DSCAML1: variants seen among roughly 807,000 people sequenced by gnomAD.
DSCAML1 encodes the protein cell adhesion molecule DSCAML1.
A neutral mutation model predicts 200.5 loss-of-function variants in DSCAML1; 38 were observed. The ratio of observed to expected loss-of-function variants is 0.19; its 90% CI spans 0.15 to 0.25. DSCAML1 has a LOEUF of 0.25. Among genes scored for constraint, DSCAML1 ranks in the 10% least tolerant of loss-of-function variants. DSCAML1 has a pLI of 1.00. For missense variants in DSCAML1, 2,223 were observed against 2,858.8 expected, an observed-to-expected ratio of 0.78 and a Z score of 5.07; for synonymous variants, 1,215 against 1,165.0, an observed-to-expected ratio of 1.04 and a Z score of -0.87.
At position 117,492,995 on chromosome 11, in the gene DSCAML1, G is replaced by A. The variant is rs930566808; in HGVS notation, c.2360-10833C>T. Reference sequence around the variant, plus strand: ...AGCTTCAGCGCCAAGAGCCAGTGGGGAGGTGCCAGGGGAGCTGGGGCCCAT... The same window carrying A: ...AGCTTCAGCGCCAAGAGCCAGTGGGAAGGTGCCAGGGGAGCTGGGGCCCAT... On this transcript the variant is annotated intron_variant, in intron 11 of 32. Transcript: ENST00000651296. Among the ~76,000 whole-genome samples, 9 of 152,342 alleles carry A rather than the reference G, an allele frequency of 5.9e-5. No individual in the cohort carries two copies. The East Asian group carries it at 1.7e-3, about 29-fold the overall frequency.
Position 117,469,881 on chromosome 11 carries a change from T to G in DSCAML1, c.3024+29A>C. The stretch of plus-strand genomic sequence containing the variant: ...GAGGAGAGAGGAGGCAAGCAGACAT[T>G]CCAGGGGAGATGCCTTAGACACACT... On this transcript the variant is annotated intron_variant, in intron 16 of 32. Transcript: ENST00000651296. This position sits in a 1 kb window ranked among gnomAD's most constrained non-coding sequence, Gnocchi z 4.1. 6.3e-7 allele frequency: 1 copy of G among 1,584,464 alleles called. No homozygotes were observed. The highest frequency in any genetic ancestry group is 8.6e-7 in the Non-Finnish European group (1 of 1,161,808).
intron 3 of DSCAML1, among the ~76,000 whole-genome samples, chr11:117,556,164 G>T (rs2050555655): frequency 6.6e-6 from 1 of 152,184 alleles, no homozygotes; most frequent in Admixed American, 6.5e-5. Flanking sequence ...GAAGCATTAT[G>T]AAGTGATCAG....
At chr11:117,616,735 A>T (rs149347332) in intron 3 of DSCAML1, among the ~76,000 whole-genome samples, 1 of 152,226 alleles carries the variant, frequency 6.6e-6, no homozygotes. Context: ...ACAATTATGC[A>T]GATGTGTTTA....
chr11:117,492,729 G>A (rs1004943416), intron 11 of DSCAML1, among the ~76,000 whole-genome samples: 1 of 152,122 alleles, frequency 6.6e-6, no homozygotes, highest in Non-Finnish European at 1.5e-5. Flanking sequence ...TCGGCGGGGC[G>A]GGTGGGAGCA....
chr11:117,685,015 T>G (rs2053381310), intron 3 of DSCAML1, among the ~76,000 whole-genome samples: 1 of 152,234 alleles, frequency 6.6e-6, no homozygotes, highest in Non-Finnish European at 1.5e-5. Flanking sequence ...TTGAGGCCCC[T>G]GTCCCAGGAG....
intron 1 of DSCAML1, among the ~76,000 whole-genome samples, chr11:117,814,972 G>T (rs1350024237): frequency 6.6e-6 from 1 of 152,204 alleles, no homozygotes; most frequent in Admixed American, 6.5e-5. Flanking sequence ...GCACGCACTC[G>T]GTTACTGATT....
chr11:117,508,658 T>C (rs1047504934), intron 8 of DSCAML1, among the ~76,000 whole-genome samples: 1 of 151,908 alleles, frequency 6.6e-6, no homozygotes, highest in East Asian at 1.9e-4. Flanking sequence ...CTGCTGTGAT[T>C]TGAGAGCCCT....
intron 19 of DSCAML1, among the ~76,000 whole-genome samples, chr11:117,454,855 T>C (rs1385338451): frequency 6.6e-6 from 1 of 152,202 alleles, no homozygotes; most frequent in Non-Finnish European, 1.5e-5. Flanking sequence ...CTGCTTTTGG[T>C]CCACTTTTAC....
chr11:117,751,026 C>T (rs1430480845), intron 3 of DSCAML1, among the ~76,000 whole-genome samples: 1 of 152,070 alleles, frequency 6.6e-6, no homozygotes, highest in Non-Finnish European at 1.5e-5. Context: ...TTGGGGGTGG[C>T]TTTCTGAGGT....
intron 3 of DSCAML1, among the ~76,000 whole-genome samples, chr11:117,629,966 G>A (rs985172783): frequency 2.6e-5 from 4 of 152,170 alleles, no homozygotes; most frequent in African/African-American, 9.7e-5. Flanking sequence ...AACTAGGATT[G>A]CACCACTGCA....
chr11:117,563,690 C>T (rs924000845), intron 3 of DSCAML1, among the ~76,000 whole-genome samples: 6 of 152,002 alleles, frequency 3.9e-5, no homozygotes, highest in Non-Finnish European at 5.9e-5. Context: ...GGGGAGAAGA[C>T]GAGAACTATT....
At position 117,666,091 on chromosome 11, in the gene DSCAML1, C is replaced by T. The variant is rs142070128; in HGVS notation, c.511+110700G>A. 5.8e-4 allele frequency among the ~76,000 whole-genome samples: 89 copies of T among 152,246 alleles called. 1 individual carries two copies. Among genetic ancestry groups the T allele is most frequent in the African/African-American group, 2.0e-3 (85 of 41,538 alleles). ...CTGCTGCTGAGAACCCTGTAATGCTCCGAGGGGCTGTTTGTTGGCCTCCTT... is the reference window on the plus strand; with the variant it reads ...CTGCTGCTGAGAACCCTGTAATGCTTCGAGGGGCTGTTTGTTGGCCTCCTT... On this transcript the variant is annotated intron_variant, in intron 3 of 32. Transcript: ENST00000651296.
chr11:117,632,820 C>T (rs2052201988), intron 3 of DSCAML1, among the ~76,000 whole-genome samples: 1 of 152,144 alleles, frequency 6.6e-6, no homozygotes. Context: ...TATTATGTGC[C>T]AGGCATCATG....
intron 3 of DSCAML1, among the ~76,000 whole-genome samples, chr11:117,701,538 A>G (rs2053667027): frequency 6.6e-6 from 1 of 152,198 alleles, no homozygotes; most frequent in African/African-American, 2.4e-5. Flanking sequence ...TCTTTGGAGG[A>G]GGAAGAGCTG....
In DSCAML1 at chr11:117,505,328, A is replaced by G; in HGVS notation, c.2062+126T>C. 7.6e-7 allele frequency: 1 copy of G among 1,310,616 alleles called. No individual in the cohort carries two copies. Among genetic ancestry groups the G allele is most frequent in the Admixed American group, 2.3e-5 (1 of 43,260 alleles). The allele number at this position is 1,310,616 out of a possible 1,614,324, so 81.2% of individuals were successfully genotyped here. A position where few individuals can be genotyped will look rare whatever the true frequency, so the allele number is the denominator to read the frequency against. ...GAAAATAAGAGGTTTAGGCTCCAACAGGCCCTTCAAGATGCTGGAGCCCAC... is the reference window on the plus strand; with the variant it reads ...GAAAATAAGAGGTTTAGGCTCCAACGGGCCCTTCAAGATGCTGGAGCCCAC... On this transcript the variant is annotated intron_variant, in intron 9 of 32. Transcript: ENST00000651296. The surrounding 1 kb of genome is among the most constrained non-coding windows in gnomAD (Gnocchi z 6.7).
chr11:117,574,334 C>T (rs1212033685), intron 3 of DSCAML1, among the ~76,000 whole-genome samples: 1 of 152,186 alleles, frequency 6.6e-6, no homozygotes, highest in Admixed American at 6.5e-5. Flanking sequence ...TAGTCTCTAC[C>T]ACTGTGGGGA....
At chr11:117,470,321 A>G (rs2048659316) in intron 15 of DSCAML1, among the ~76,000 whole-genome samples, 1 of 152,046 alleles carries the variant, frequency 6.6e-6, no homozygotes, top group East Asian at 1.9e-4. Context: ...CACACCTGTA[A>G]TCCCAGCACT....
chr11:117,797,312 G>T, upstream of DSCAML1: 1 of 1,306,820 alleles, frequency 7.7e-7, no homozygotes, highest in Non-Finnish European at 9.7e-7. Flanking sequence ...GGCACCCCGG[G>T]TGGTGAGCGC....
intron 3 of DSCAML1, among the ~76,000 whole-genome samples, chr11:117,716,697 G>A (rs574281455): frequency 6.6e-6 from 1 of 152,236 alleles, no homozygotes; most frequent in African/African-American, 2.4e-5. Context: ...GCTTTTATAT[G>A]GTTGAAATGG....
Sources: gnomAD v4.1 joint callset for allele counts (sites outside exome capture counted in the v4.1 genomes callset) on GRCh38, gnomAD v4.1.1 for gene constraint, Gnocchi (gnomAD v3.1) non-coding constraint, MANE v1.5 for transcripts, NCBI Gene and HGNC (gene_info 2026-07-23, HGNC 2026-07-21) for gene names.